The following NBR1 variants were observed in gnomAD, a reference collection of about 807,000 sequenced individuals.
NBR1 encodes next to BRCA1 gene 1 protein.
A neutral mutation model predicts 115.5 loss-of-function variants in NBR1; 59 were observed. The ratio of observed to expected loss-of-function variants is 0.51; its 90% CI spans 0.41 to 0.63. The LOEUF (loss-of-function observed/expected upper bound fraction) is 0.63. Ranked by LOEUF, NBR1 falls within the 30% of genes least tolerant of loss-of-function variation. The pLI, the probability that NBR1 is intolerant of heterozygous loss-of-function variation, is 0.00. For synonymous variants in NBR1, 373 were observed against 414.7 expected, an observed-to-expected ratio of 0.90 and a Z score of 1.22; for missense variants, 1,043 against 1,150.5, an observed-to-expected ratio of 0.91 and a Z score of 1.35.
At chr17:43,181,524 C>T (rs931616113) in intron 5 of NBR1, among the ~76,000 whole-genome samples, 4 of 31,136 alleles carry the variant, frequency 1.3e-4, no homozygotes, top group South Asian at 3.7e-3. Context: ...ACAAAACAGC[C>T]GGGCGTGGGC....
chr17:43,184,817 C>T (rs748906849), intron 5 of NBR1, among the ~76,000 whole-genome samples: 2 of 151,896 alleles, frequency 1.3e-5, no homozygotes, highest in African/African-American at 4.8e-5. Flanking sequence ...TTAGACTAGG[C>T]GCAGTGGCTC....
chr17:43,196,672 C>A, intron 15 of NBR1, 81 bp downstream of exon 15: 1 of 1,091,578 alleles, frequency 9.2e-7, no homozygotes, highest in Non-Finnish European at 1.3e-6. Context: ...CCCTACTGAC[C>A]CTACCTTAGC....
At chr17:43,191,186 T>C (rs1310029976) in intron 9 of NBR1, among the ~76,000 whole-genome samples, 186 bp from the exon 10 acceptor site, 1 of 152,018 alleles carries the variant, frequency 6.6e-6, no homozygotes, top group African/African-American at 2.4e-5. Flanking sequence ...CCCAGGAATA[T>C]GAGGTGGAAG....
intron 14 of NBR1, chr17:43,195,627 GACA>G (rs892376484): frequency 1.4e-5 from 2 of 140,124 alleles, no homozygotes; most frequent in African/African-American, 2.7e-5. Flanking sequence ...CTCCAGCCAG[GACA>G]ACAAGAGCAA....
intron 10 of NBR1, 77 bp downstream of exon 10, chr17:43,191,658 T>C (rs2056949769): frequency 1.1e-6 from 1 of 930,380 alleles, no homozygotes; most frequent in Admixed American, 2.7e-5. Flanking sequence ...AATTTCCGTC[T>C]TATTTATTGG....
At chr17:43,171,098 C>T (rs1439700118), upstream of NBR1, 1 of 152,702 alleles carries the variant, frequency 6.5e-6, no homozygotes, top group Non-Finnish European at 1.5e-5. Context: ...GCCCCATCGA[C>T]GCAATCTCCA....
intron 10 of NBR1, among the ~76,000 whole-genome samples, chr17:43,192,215 G>T (rs551967827): frequency 6.6e-6 from 1 of 151,320 alleles, no homozygotes; most frequent in African/African-American, 2.4e-5. Context: ...TAGAGATGGG[G>T]TTTCATCCTG....
Position 43,194,438 on chromosome 17 carries a change from C to T in NBR1, c.1613C>T (p.Ala538Val). 1 of 1,613,766 alleles carries T rather than the reference C, an allele frequency of 6.2e-7. No homozygotes were observed. Among genetic ancestry groups the T allele is most frequent in the Non-Finnish European group, 8.5e-7 (1 of 1,179,774 alleles). The change falls in exon 13 of 21, where the codon GCA (alanine) becomes GTA (valine). Residue 538 changes from alanine (A) to valine (V), a missense_variant. Transcript: ENST00000590996. ...ACAGCAGCCTGCATCCCACAGAAGG[C>T]AAAAAATGTTGCCAGTGAGAGGGAG... ...EGTAACIPQKAKNVASERELY... is the reference protein window; with the variant it reads ...EGTAACIPQKVKNVASERELY...
intron 1 of NBR1, among the ~76,000 whole-genome samples, chr17:43,174,530 G>A (rs866041002): frequency 6.6e-6 from 1 of 152,136 alleles, no homozygotes; most frequent in Non-Finnish European, 1.5e-5. Flanking sequence ...ACCAGAAGGT[G>A]GAGGTTGCAG....
intron 20 of NBR1, among the ~76,000 whole-genome samples, chr17:43,205,785 G>A (rs2057302090): frequency 6.7e-6 from 1 of 150,074 alleles, no homozygotes; most frequent in Non-Finnish European, 1.5e-5. Flanking sequence ...GGCCGAGGTG[G>A]GAAGATCACT....
At chr17:43,173,928 C>T (rs182095559) in intron 1 of NBR1, among the ~76,000 whole-genome samples, 1 of 150,778 alleles carries the variant, frequency 6.6e-6, no homozygotes, top group Admixed American at 6.6e-5. Context: ...TCCTCTCAAC[C>T]TAAGCTATTT....
intron 20 of NBR1, among the ~76,000 whole-genome samples, chr17:43,206,387 G>T (rs1339133872): frequency 1.3e-5 from 2 of 151,946 alleles, no homozygotes; most frequent in African/African-American, 4.8e-5. Context: ...GTTGGGCGTG[G>T]TGGCTCATGC....
chr17:43,180,742 ATCTT>A (rs2056641644), intron 4 of NBR1, 49 bp from the exon 5 acceptor site: 1 of 1,391,728 alleles, frequency 7.2e-7, no homozygotes, highest in East Asian at 3.0e-5. Context: ...AAATAATAGA[ATCTT>A]TTGGGGTGTG....
chr17:43,204,813 T>TAAA lies in NBR1; in HGVS notation c.2727+1043_2727+1045dup, dbSNP rs1214948352. 3.8e-3 allele frequency among the ~76,000 whole-genome samples: 468 copies of TAAA among 122,216 alleles called. 9 individuals carry two copies. Among genetic ancestry groups the TAAA allele is most frequent in the African/African-American group, 9.2e-3 (293 of 31,940 alleles). 80.2% of individuals were successfully genotyped at this position (122,216 alleles called of 152,430 possible). ...CTGGCGACAGAACAAGACTCCATCT[T>TAAA]AAAAAAAAAAAAAAAAAAGTATGAT... On this transcript the variant is annotated intron_variant, in intron 20 of 20. Coordinates refer to ENST00000590996, the MANE Select transcript of NBR1 (RefSeq NM_005899.5).
At chr17:43,178,379 CT>C (rs1317249551) in intron 3 of NBR1, among the ~76,000 whole-genome samples, 144 of 121,604 alleles carry the variant, frequency 1.2e-3, no homozygotes, top group South Asian at 3.1e-3. Context: ...TTTTTTTTTT[CT>C]TTTTTTTTTT....
At position 43,193,328 on chromosome 17, in the gene NBR1, C is replaced by T. The variant is rs757308367; in HGVS notation, c.1234-20C>T. ...TGCTCAGCTGACAAGCTTGCTTTCT[C>T]TTCTTACTGTTCTTTTCAGCTCAAG... is the stretch of plus-strand genomic sequence containing the variant. On this transcript the variant is annotated intron_variant, in intron 11 of 20. Transcript: ENST00000590996. 1 of 1,612,598 alleles carries T rather than the reference C, an allele frequency of 6.2e-7. No individual in the cohort carries two copies. The highest frequency in any genetic ancestry group is 2.2e-5 in the East Asian group (1 of 44,868).
chr17:43,190,378 A>G (rs1466009939), intron 8 of NBR1: 6 of 512,160 alleles, frequency 1.2e-5, no homozygotes, highest in African/African-American at 3.9e-5. Flanking sequence ...GGCCCCATGT[A>G]CTTTCACATC....
intron 18 of NBR1, 131 bp from the exon 19 acceptor site, chr17:43,202,523 TA>T (rs11409840): frequency 0.13 from 64,137 of 477,502 alleles, 26 homozygotes; most frequent in East Asian, 0.17. Flanking sequence ...CCAAATACTT[TA>T]AAAAAAAAAA....
At chr17:43,180,943 G>A (rs999582355) in intron 5 of NBR1, 126 bp downstream of exon 5, 102 of 985,910 alleles carry the variant, frequency 1.0e-4, no homozygotes, top group Admixed American at 2.0e-4. Flanking sequence ...ACAATCTGGG[G>A]TTGCTGCAGT....
Sources: gnomAD v4.1 joint callset for allele counts (sites outside exome capture counted in the v4.1 genomes callset) on GRCh38, gnomAD v4.1.1 for gene constraint, MANE v1.5 for transcripts, NCBI Gene and HGNC (gene_info 2026-07-23, HGNC 2026-07-21) for gene names.